Variants in CFHR5 observed in about 807,000 individuals in gnomAD.
CFHR5 encodes the protein complement factor H related 5.
Under a neutral mutation model 62.9 loss-of-function variants are expected in CFHR5, and 73 were observed. The ratio of observed to expected loss-of-function variants is 1.16; its 90% CI spans 0.96 to 1.41. CFHR5 has a LOEUF of 1.41. Among genes scored for constraint, CFHR5 ranks in the 40% most tolerant of loss-of-function variants. The pLI is 0.00. For synonymous variants in CFHR5, 249 were observed against 227.2 expected (o/e 1.10, Z -0.86); for missense variants, 779 against 679.9 (o/e 1.15, Z -1.62).
At chr1:196,999,004 A>C (rs1654063409) in intron 7 of CFHR5, among the ~76,000 whole-genome samples, 1 of 151,980 alleles carries the variant, frequency 6.6e-6, no homozygotes, top group African/African-American at 2.4e-5. Flanking sequence ...CAGTCATTCT[A>C]TGTACCAATA....
intron 2 of CFHR5, 132 bp downstream of exon 2, chr1:196,983,211 C>G (rs560864506): frequency 1.4e-4 from 164 of 1,195,446 alleles, no homozygotes; most frequent in Non-Finnish European, 1.9e-4. Flanking sequence ...AGATGTAGTC[C>G]TCCTATTTTG....
intron 1 of CFHR5, among the ~76,000 whole-genome samples, chr1:196,980,227 G>A (rs1218800779): frequency 2.0e-5 from 3 of 152,100 alleles, no homozygotes; most frequent in Non-Finnish European, 4.4e-5. Flanking sequence ...GGACCCGCCT[G>A]AGGATGTTTT....
intron 8 of CFHR5, among the ~76,000 whole-genome samples, chr1:197,003,860 A>G (rs1654212248): frequency 6.6e-6 from 1 of 152,180 alleles, no homozygotes. Context: ...TGAATGATTA[A>G]GTGGAAAGGG....
chr1:196,977,443 A>G (rs941070235), upstream of CFHR5: 4 of 577,628 alleles, frequency 6.9e-6, no homozygotes, highest in Non-Finnish European at 9.5e-6. Context: ...TTACATAACG[A>G]GCTGAGAATA....
chr1:196,984,148 T>C lies in CFHR5; in HGVS notation c.430+11T>C, dbSNP rs763033724. On this transcript the variant is annotated intron_variant, in intron 3 of 9. Transcript: ENST00000256785. Reference sequence around the variant, plus strand: ...TATGCAGCTTCACTAGTAAGCAAAATACCACTCTCTCAGTTTTGCTAATTA... The same window carrying C: ...TATGCAGCTTCACTAGTAAGCAAAACACCACTCTCTCAGTTTTGCTAATTA... 6.2e-7 allele frequency: 1 copy of C among 1,607,346 alleles called. No homozygotes were observed. Among genetic ancestry groups the C allele is most frequent in the Admixed American group, 1.7e-5 (1 of 59,966 alleles).
intron 3 of CFHR5, among the ~76,000 whole-genome samples, chr1:196,989,154 C>A (rs149880114): frequency 0.013 from 2,010 of 152,162 alleles, 3 homozygotes; most frequent in African/African-American, 0.044. Context: ...AGTTTATTTG[C>A]GTAGAGGTGT....
chr1:196,989,170 G>A (rs1653775357), intron 3 of CFHR5, among the ~76,000 whole-genome samples: 1 of 152,160 alleles, frequency 6.6e-6, no homozygotes, highest in Admixed American at 6.5e-5. Flanking sequence ...GGTGTTTATA[G>A]TATTCTCTGA....
At chr1:197,003,548 C>T (rs1011837420) in intron 8 of CFHR5, among the ~76,000 whole-genome samples, 7 of 152,136 alleles carry the variant, frequency 4.6e-5, no homozygotes, top group African/African-American at 1.4e-4. Flanking sequence ...TATTACTTGA[C>T]AAAACATCAG....
At chr1:196,978,349 T>C (rs1266087415) in intron 1 of CFHR5, among the ~76,000 whole-genome samples, 2 of 152,102 alleles carry the variant, frequency 1.3e-5, no homozygotes, top group Non-Finnish European at 2.9e-5. Context: ...TCTTATAACA[T>C]TATAAACTAT....
chr1:196,982,104 C>A (rs948756368), intron 1 of CFHR5, among the ~76,000 whole-genome samples: 2 of 151,820 alleles, frequency 1.3e-5, no homozygotes, highest in African/African-American at 4.8e-5. Context: ...AAATTACCTA[C>A]CCAACATTTT....
chr1:196,996,161 C>T lies in CFHR5; in HGVS notation c.930C>T (p.Thr310=). 6.2e-7 allele frequency: 1 copy of T among 1,613,046 alleles called. No homozygotes were observed. Residue 310 remains threonine (T), a synonymous_variant, in exon 6 of 10, where the codon ACC becomes ACT. Transcript: ENST00000256785. ...EYAMIGNNMI[T]CINGIWTELP... The stretch of plus-strand genomic sequence containing the variant: ...CAATGATTGGAAATAACATGATTAC[C>T]TGTATTAATGGAATATGGACAGAGC...
intron 9 of CFHR5, among the ~76,000 whole-genome samples, chr1:197,005,218 T>C (rs1654257199): frequency 6.6e-6 from 1 of 152,142 alleles, no homozygotes; most frequent in African/African-American, 2.4e-5. Context: ...TTTAATACTA[T>C]ATAAGGTTCT....
At chr1:196,985,619 G>A (rs1653666009) in intron 3 of CFHR5, among the ~76,000 whole-genome samples, 1 of 152,084 alleles carries the variant, frequency 6.6e-6, no homozygotes, top group African/African-American at 2.4e-5. Context: ...ACCTGTTCAT[G>A]TCATGAACAA....
chr1:196,978,093 C>T (rs1653445189), intron 1 of CFHR5, among the ~76,000 whole-genome samples: 1 of 152,088 alleles, frequency 6.6e-6, no homozygotes, highest in Admixed American at 6.5e-5. Context: ...TGGCCACCTT[C>T]ATTATGTTTT....
chr1:196,994,236 C>T lies in CFHR5; in HGVS notation c.587C>T (p.Pro196Leu). 1.9e-6 allele frequency: 3 copies of T among 1,613,254 alleles called. No homozygotes were observed. The highest frequency in any genetic ancestry group is 2.5e-6 in the Non-Finnish European group (3 of 1,179,468). The change falls in exon 4 of 10, where the codon CCT becomes CTT. Residue 196 changes from proline to leucine, a missense_variant. By Grantham distance (98) the Pro-to-Leu change is moderately conservative. Transcript: ENST00000256785. ...SVQCYQFGWSPNFPTCKGQVR... is the reference protein window; with the variant it reads ...SVQCYQFGWSLNFPTCKGQVR... Reference sequence around the variant, plus strand: ...CAATGTTACCAATTTGGGTGGTCACCTAACTTTCCAACATGCAAAGGTCAG... The same window carrying T: ...CAATGTTACCAATTTGGGTGGTCACTTAACTTTCCAACATGCAAAGGTCAG...
rs1443725951 is a variant in CFHR5, at chr1:197,002,559, G to A, written c.1225G>A (p.Asp409Asn). ...TATGACAACCACAGTGAATTATCAGGATGGAGAAAAAGTAGCTGTTCTCTG... is the reference window on the plus strand; with the variant it reads ...TATGACAACCACAGTGAATTATCAGAATGGAGAAAAAGTAGCTGTTCTCTG... ...QNMTTTVNYQ[D>N]GEKVAVLCKE... The change falls in exon 8 of 10, where the codon GAT (aspartate) becomes AAT (asparagine). Residue 409 changes from aspartate to asparagine, a missense_variant. By Grantham distance (23) the Asp-to-Asn change is conservative. Transcript: ENST00000256785. The A allele has an allele frequency of 6.2e-7, 1 of 1,613,388 alleles. No individual in the cohort carries two copies. The highest frequency in any genetic ancestry group is 1.3e-5 in the African/African-American group (1 of 74,850).
rs1653918948 is a variant in CFHR5 at position 196,994,014 on chromosome 1, T to G, written c.431-66T>G. On this transcript the variant is annotated intron_variant, in intron 3 of 9. Coordinates refer to ENST00000256785, the MANE Select transcript of CFHR5 (RefSeq NM_030787.4). ...TGAAGCCCCTTGCATCTTATTTTTA[T>G]ATAGCACACATTAAATTTGTTTCTG... 5 of 1,259,908 alleles carry G rather than the reference T, an allele frequency of 4.0e-6. No individual in the cohort carries two copies. In the East Asian group the frequency reaches 1.2e-4, roughly 29 times the overall value. 78.0% of individuals were successfully genotyped at this position (1,259,908 alleles called of 1,614,324 possible).
chr1:197,003,778 G>T (rs77947219), intron 8 of CFHR5, among the ~76,000 whole-genome samples: 2 of 152,046 alleles, frequency 1.3e-5, no homozygotes, highest in Admixed American at 6.6e-5. Context: ...GGCAGTTACC[G>T]GATAGAAGAT....
At chr1:196,976,168 A>T (rs1653390852), upstream of CFHR5, among the ~76,000 whole-genome samples, 1 of 152,178 alleles carries the variant, frequency 6.6e-6, no homozygotes, top group East Asian at 1.9e-4. Context: ...CTAATAGCTC[A>T]CAGGGACTTC....
Sources: allele counts gnomAD v4.1 joint callset (sites outside exome capture counted in the v4.1 genomes callset), GRCh38; gene constraint gnomAD v4.1.1; transcripts MANE v1.5; gene names NCBI Gene and HGNC (gene_info 2026-07-23, HGNC 2026-07-21).